Variants in S1PR3 observed in about 807,000 individuals in gnomAD.
S1PR3 encodes the protein sphingosine 1-phosphate receptor 3.
In S1PR3, 12 loss-of-function variants were observed where a neutral mutation model predicts 13.3. The observed-to-expected ratio is 0.90, with a 90% CI of 0.58 to 1.46. The LOEUF (loss-of-function observed/expected upper bound fraction) is 1.46, where lower values mean the gene tolerates loss of function less well. Among genes scored for constraint, S1PR3 ranks in the 40% most tolerant of loss-of-function variants. S1PR3 has a pLI of 0.00. For missense variants in S1PR3, 450 were observed against 501.9 expected (o/e 0.90, Z 0.99); for synonymous variants, 232 against 214.0 (o/e 1.08, Z -0.73).
At chr9:88,992,169 C>T (rs1215649043) in intron 1 of S1PR3, 7 of 772,184 alleles carry the variant, frequency 9.1e-6, no homozygotes, top group African/African-American at 5.3e-5. Context: ...GAAGTCCCCA[C>T]AGTGCAATAA....
chr9:88,999,013 G>C (rs1825838045), intron 1 of S1PR3: 1 of 152,366 alleles, frequency 6.6e-6, no homozygotes, highest in Admixed American at 6.5e-5. Context: ...AGAGATCTGG[G>C]CAGGCAACCT....
At chr9:89,000,475 G>A (rs901473277) in intron 1 of S1PR3, 12 of 153,174 alleles carry the variant, frequency 7.8e-5, no homozygotes, top group African/African-American at 2.9e-4. Context: ...TTGGTCCCTC[G>A]ATGGCTGCAT....
chr9:89,002,293 A>G lies in S1PR3; in HGVS notation c.1093A>G (p.Met365Val), dbSNP rs376847603. 131 of 1,613,974 alleles carry G rather than the reference A, an allele frequency of 8.1e-5. No homozygotes were observed. The highest frequency in any genetic ancestry group is 1.3e-4 in the South Asian group (12 of 91,088). ...CCACACAGCCCCCTCATCCTGCATC[A>G]TGGACAAGAACGCAGCACTTCAGAA... is the stretch of plus-strand genomic sequence containing the variant. Reference protein sequence around the residue: ...LPHTAPSSCIMDKNAALQNGI... With the variant: ...LPHTAPSSCIVDKNAALQNGI... The change falls in exon 2 of 2, where the codon ATG becomes GTG. Residue 365 changes from methionine (M) to valine (V), a missense_variant. Met to Val is a conservative substitution (Grantham distance 21). Coordinates refer to ENST00000358157, the MANE Select transcript of S1PR3 (RefSeq NM_005226.4).
At chr9:88,993,175 A>T (rs1825746575) in intron 1 of S1PR3, 1 of 152,646 alleles carries the variant, frequency 6.6e-6, no homozygotes, top group African/African-American at 2.4e-5. Context: ...GAAACTTCAC[A>T]TAGTGGCCGA....
chr9:89,000,968 C>A (rs1201800853), intron 1 of S1PR3, 86 bp from the exon 2 acceptor site: 1 of 562,238 alleles, frequency 1.8e-6, no homozygotes, highest in African/African-American at 1.9e-5. Flanking sequence ...CCACGTTTTT[C>A]ATGCCTTTCT....
chr9:89,002,614 T>G lies in S1PR3; in HGVS notation c.*277T>G. 2.0e-6 allele frequency: 1 copy of G among 505,346 alleles called. No homozygotes were observed. Among genetic ancestry groups the G allele is most frequent in the Non-Finnish European group, 3.7e-6 (1 of 271,562 alleles). The allele number at this position is 505,346 out of a possible 1,614,324, so 31.3% of individuals were successfully genotyped here. A position where few individuals can be genotyped will look rare whatever the true frequency, so the allele number is the denominator to read the frequency against. On this transcript the variant is annotated 3_prime_UTR_variant, in exon 2 of 2. Coordinates refer to ENST00000358157, the MANE Select transcript of S1PR3 (RefSeq NM_005226.4). ...TGCTGCATCCTAGACACCCTCCCTG[T>G]TGTTCACAGAGAGGGAAGGTCGTGG...
intron 1 of S1PR3, chr9:88,999,993 C>A (rs911719829): frequency 6.6e-6 from 1 of 152,260 alleles, no homozygotes; most frequent in East Asian, 1.9e-4. Flanking sequence ...CAGAGCAACA[C>A]TGTGTCTCAA....
chr9:88,991,230 C>T, upstream of S1PR3: 1 of 1,565,302 alleles, frequency 6.4e-7, no homozygotes, highest in Non-Finnish European at 8.7e-7. The surrounding 1 kb of genome is among the most constrained non-coding windows in gnomAD (Gnocchi z 4.0). Context: ...CGAGCCGGAC[C>T]CTAGGGGATT....
At chr9:88,990,972 G>C (rs771865923), upstream of S1PR3, 13 of 1,611,050 alleles carry the variant, frequency 8.1e-6, no homozygotes, top group Non-Finnish European at 1.0e-5. Context: ...AGCCCAAGCC[G>C]GTGCTCGGCC....
In S1PR3 at chr9:89,001,085, G is replaced by A. The variant is rs1175654593; in HGVS notation, c.-116G>A. 3 of 1,209,056 alleles carry A rather than the reference G, an allele frequency of 2.5e-6. No individual in the cohort carries two copies. Among genetic ancestry groups the A allele is most frequent in the African/African-American group, 3.0e-5 (2 of 66,176 alleles). 74.9% of individuals were successfully genotyped at this position (1,209,056 alleles called of 1,614,324 possible). On this transcript the variant is annotated 5_prime_UTR_variant, in exon 2 of 2. Coordinates refer to ENST00000358157, the MANE Select transcript of S1PR3 (RefSeq NM_005226.4). ...TTTTTCAACGCCCTCGCTGGAGTCTGGCCTGCACGCCTTGCTGAATGAAGC... is the reference window on the plus strand; with the variant it reads ...TTTTTCAACGCCCTCGCTGGAGTCTAGCCTGCACGCCTTGCTGAATGAAGC...
intron 1 of S1PR3, chr9:88,994,472 C>A (rs1294066457): frequency 6.0e-6 from 1 of 166,980 alleles, no homozygotes; most frequent in African/African-American, 2.4e-5. Context: ...GTGGATTCAT[C>A]CCTGTGGAAA....
At position 89,001,258 on chromosome 9, in the gene S1PR3, G is replaced by A. The variant is rs1825862960; in HGVS notation, c.58G>A (p.Glu20Lys). ...GGTGCGGGGGAACGAGACCCTGCGG[G>A]AGCATTACCAGTACGTGGGGAAGTT... is the stretch of plus-strand genomic sequence containing the variant. ...QPVRGNETLREHYQYVGKLAG... is the reference protein window; with the variant it reads ...QPVRGNETLRKHYQYVGKLAG... The change falls in exon 2 of 2, where the codon GAG becomes AAG. Residue 20 changes from glutamate to lysine, a missense_variant. Physicochemically the swap from Glu to Lys is moderately conservative, Grantham distance 56 (BLOSUM62 1). Coordinates refer to ENST00000358157, the MANE Select transcript of S1PR3 (RefSeq NM_005226.4). The A allele has an allele frequency of 1.2e-6, 2 of 1,614,032 alleles. No homozygotes were observed. The highest frequency in any genetic ancestry group is 2.7e-5 in the African/African-American group (2 of 74,916).
In S1PR3 at chr9:88,991,949, C is replaced by T; in HGVS notation, c.-148+254C>T. 1.9e-6 allele frequency: 3 copies of T among 1,614,204 alleles called. No individual in the cohort carries two copies. Among genetic ancestry groups the T allele is most frequent in the Non-Finnish European group, 8.5e-7 (1 of 1,180,040 alleles). ...CCTGGATGAAAGTGGAGAGGCTGTT[C>T]GTGGAGAAGTTCCATCAGTCGTTTT... On this transcript the variant is annotated intron_variant, in intron 1 of 1. Coordinates refer to ENST00000358157, the MANE Select transcript of S1PR3 (RefSeq NM_005226.4). The surrounding 1 kb of genome is among the most constrained non-coding windows in gnomAD (Gnocchi z 4.0).
chr9:88,991,612 T>C lies in S1PR3; in HGVS notation c.-231T>C. 1 of 1,541,456 alleles carries C rather than the reference T, an allele frequency of 6.5e-7. No individual in the cohort carries two copies. The highest frequency in any genetic ancestry group is 8.7e-7 in the Non-Finnish European group (1 of 1,144,084). ...GCCGGGCCTCCCAGCCCATCTGGCATTCGAGCGCAGGACCGGGCGCCCCGG... is the reference window on the plus strand; with the variant it reads ...GCCGGGCCTCCCAGCCCATCTGGCACTCGAGCGCAGGACCGGGCGCCCCGG... On this transcript the variant is annotated 5_prime_UTR_variant, in exon 1 of 2. Coordinates refer to ENST00000358157, the MANE Select transcript of S1PR3 (RefSeq NM_005226.4). This position sits in a 1 kb window ranked among gnomAD's most constrained non-coding sequence, Gnocchi z 4.0.
Position 88,991,473 on chromosome 9 carries a change from C to A in S1PR3, c.-370C>A, listed in dbSNP as rs772686253. ...AGTCTCTGACTCGCTCGGGCAGAGG[C>A]CGAGGAAGCCGGTTCCGGGGACGGG... On this transcript the variant is annotated 5_prime_UTR_variant, in exon 1 of 2. Transcript: ENST00000358157. The surrounding 1 kb of genome is among the most constrained non-coding windows in gnomAD (Gnocchi z 4.0). 5 of 1,547,134 alleles carry A rather than the reference C, an allele frequency of 3.2e-6. No individual in the cohort carries two copies. The highest frequency in any genetic ancestry group is 3.9e-5 in the Admixed American group (2 of 50,874).
chr9:88,990,895 G>C, upstream of S1PR3: 1 of 1,449,934 alleles, frequency 6.9e-7, no homozygotes, highest in Non-Finnish European at 9.4e-7. Flanking sequence ...AGGCGCCGGA[G>C]GGGACCCGCG....
intron 1 of S1PR3, chr9:89,000,318 G>C (rs926200926): frequency 2.0e-5 from 3 of 152,212 alleles, no homozygotes; most frequent in Non-Finnish European, 4.4e-5. Context: ...GACTCAGTCA[G>C]TGTGATTGTC....
upstream of S1PR3, chr9:88,990,909 A>G (rs1388284172): frequency 1.9e-6 from 3 of 1,542,702 alleles, no homozygotes; most frequent in Non-Finnish European, 1.8e-6. Flanking sequence ...ACCCGCGCGG[A>G]AAAGGAAGAA....
upstream of S1PR3, chr9:88,990,903 G>A: frequency 4.6e-6 from 7 of 1,506,120 alleles, no homozygotes; most frequent in Non-Finnish European, 6.3e-6. Flanking sequence ...GAGGGGACCC[G>A]CGCGGAAAAG....
Sources: gnomAD v4.1 joint callset for allele counts on GRCh38, gnomAD v4.1.1 for gene constraint, Gnocchi (gnomAD v3.1) non-coding constraint, MANE v1.5 for transcripts, NCBI Gene and HGNC (gene_info 2026-07-23, HGNC 2026-07-21) for gene names.